The following MDGA2 variants were observed in gnomAD, a reference collection of about 807,000 sequenced individuals.
MDGA2 encodes MAM domain containing glycosylphosphatidylinositol anchor 2.
In MDGA2, 40 loss-of-function variants were observed where a neutral mutation model predicts 117.8. The ratio of observed to expected loss-of-function variants is 0.34; its 90% CI spans 0.26 to 0.44. The LOEUF is 0.44. Ranked by LOEUF, MDGA2 falls within the 20% of genes least tolerant of loss-of-function variation. MDGA2 has a pLI of 1.00. For missense variants in MDGA2, 1,123 were observed against 1,250.6 expected (o/e 0.90, Z 1.54); for synonymous variants, 452 against 439.0 (o/e 1.03, Z -0.37).
At chr14:47,610,715 T>C (rs1896831820) in intron 1 of MDGA2, among the ~76,000 whole-genome samples, 1 of 152,036 alleles carries the variant, frequency 6.6e-6, no homozygotes. Context: ...CATCCCATGC[T>C]CATGGATGGG....
intron 1 of MDGA2, among the ~76,000 whole-genome samples, chr14:47,526,707 A>T (rs1339334033): frequency 3.3e-5 from 5 of 151,964 alleles, no homozygotes; most frequent in African/African-American, 1.2e-4. Flanking sequence ...GTTCTCTGAG[A>T]TTTCTTCTTC....
intron 1 of MDGA2, among the ~76,000 whole-genome samples, chr14:47,573,769 T>C (rs1896063742): frequency 6.6e-6 from 1 of 152,160 alleles, no homozygotes; most frequent in African/African-American, 2.4e-5. Context: ...GAAGAGCTGA[T>C]TGGAAGAAAT....
intron 1 of MDGA2, among the ~76,000 whole-genome samples, chr14:47,370,472 T>C (rs1035018250): frequency 2.1e-5 from 1 of 47,326 alleles, no homozygotes; most frequent in East Asian, 4.5e-4. Context: ...CTTACTGTTT[T>C]TTTTTTTTTT....
intron 1 of MDGA2, among the ~76,000 whole-genome samples, chr14:47,377,169 G>T (rs961788385): frequency 6.6e-6 from 1 of 152,184 alleles, no homozygotes; most frequent in South Asian, 2.1e-4. Flanking sequence ...GAAATTTAGG[G>T]TATAATCCAT....
intron 9 of MDGA2, among the ~76,000 whole-genome samples, chr14:46,945,998 G>C (rs982189996): frequency 7.9e-5 from 12 of 152,132 alleles, no homozygotes; most frequent in Non-Finnish European, 1.6e-4. Context: ...TAAGTAGATA[G>C]TGTTGCTTAA....
intron 3 of MDGA2, among the ~76,000 whole-genome samples, chr14:47,195,548 G>C (rs1236716773): frequency 6.6e-6 from 1 of 151,898 alleles, no homozygotes; most frequent in Non-Finnish European, 1.5e-5. Context: ...TCATATTAAG[G>C]TTTCTTTTGA....
At chr14:47,137,547 T>C (rs1882516998) in intron 4 of MDGA2, among the ~76,000 whole-genome samples, 1 of 152,120 alleles carries the variant, frequency 6.6e-6, no homozygotes, top group Non-Finnish European at 1.5e-5. Context: ...ATGTGATCTC[T>C]GCACATACCA....
intron 4 of MDGA2, among the ~76,000 whole-genome samples, chr14:47,137,509 C>G (rs1047708989): frequency 2.6e-5 from 4 of 151,992 alleles, no homozygotes; most frequent in South Asian, 4.2e-4. Flanking sequence ...TGATACCTCC[C>G]CCTCTCTCTC....
At chr14:47,643,161 G>A (rs984105088) in intron 1 of MDGA2, among the ~76,000 whole-genome samples, 1 of 151,976 alleles carries the variant, frequency 6.6e-6, no homozygotes, top group African/African-American at 2.4e-5. Flanking sequence ...TAAAGGAAGA[G>A]CCAAATACAT....
In MDGA2 at chr14:47,335,747, T is replaced by TATATATATATATATATATATATATATAC. The variant is rs1055245438; in HGVS notation, c.281-34198_281-34197insGTATATATATATATATATATATATATAT. Among the ~76,000 whole-genome samples, 2 of 68,640 alleles carry TATATATATATATATATATATATATATAC rather than the reference T, an allele frequency of 2.9e-5. 1 individual carries two copies. Among genetic ancestry groups the TATATATATATATATATATATATATATAC allele is most frequent in the African/African-American group, 8.8e-5 (2 of 22,818 alleles). 45.0% of individuals were successfully genotyped at this position (68,640 alleles called of 152,430 possible). ...CACACATATATTTTATATATATATA[T>TATATATATATATATATATATATATATAC]ACATACATACATACAGGATCACTCT... On this transcript the variant is annotated intron_variant, in intron 1 of 16. Transcript: ENST00000399232.
chr14:47,080,372 G>C (rs1414430357), intron 6 of MDGA2, among the ~76,000 whole-genome samples: 1 of 152,100 alleles, frequency 6.6e-6, no homozygotes, highest in Non-Finnish European at 1.5e-5. Flanking sequence ...TTTTACTTCA[G>C]TGAGAAAATA....
chr14:46,939,914 C>CTT (rs1356900699), intron 9 of MDGA2, among the ~76,000 whole-genome samples: 1 of 152,148 alleles, frequency 6.6e-6, no homozygotes, highest in East Asian at 1.9e-4. Context: ...GCATGCCTTG[C>CTT]TGAAAGCATG....
chr14:47,205,085 C>G (rs181657586), intron 3 of MDGA2, among the ~76,000 whole-genome samples: 1 of 151,646 alleles, frequency 6.6e-6, no homozygotes, highest in Non-Finnish European at 1.5e-5. Flanking sequence ...ATATATAGTT[C>G]GTTTCTGTCT....
At chr14:46,968,313 C>T (rs1886116676) in intron 8 of MDGA2, among the ~76,000 whole-genome samples, 4 of 152,106 alleles carry the variant, frequency 2.6e-5, no homozygotes, top group African/African-American at 9.7e-5. Context: ...GACAGGCTTA[C>T]AGTGCAGCAG....
At chr14:46,842,972 G>A (rs2138262309) in intron 16 of MDGA2, among the ~76,000 whole-genome samples, 1 of 152,240 alleles carries the variant, frequency 6.6e-6, no homozygotes, top group South Asian at 2.1e-4. Flanking sequence ...GTAATTAAAT[G>A]ACACAAATGT....
intron 2 of MDGA2, among the ~76,000 whole-genome samples, chr14:47,284,237 A>T (rs944745635): frequency 6.6e-6 from 1 of 152,224 alleles, no homozygotes; most frequent in African/African-American, 2.4e-5. Flanking sequence ...AATTTGGAAT[A>T]GAGACATGCA....
chr14:47,320,944 A>G lies in MDGA2; in HGVS notation c.281-19394T>C, dbSNP rs551930014. Among the ~76,000 whole-genome samples the G allele has an allele frequency of 3.9e-5, 6 of 152,308 alleles. 1 individual carries two copies. The South Asian group carries it at 8.3e-4, about 21-fold the overall frequency. On this transcript the variant is annotated intron_variant, in intron 1 of 16. Transcript: ENST00000399232. ...CCAGATTAAACTGAACCAAAATCTT[A>G]TAAGAGATTATGGGTAAAGAAGACA...
chr14:47,199,060 G>C (rs1885395336), intron 3 of MDGA2, among the ~76,000 whole-genome samples: 1 of 151,960 alleles, frequency 6.6e-6, no homozygotes, highest in African/African-American at 2.4e-5. Context: ...GTGAAGTTAG[G>C]ATTCAAGACT....
At chr14:47,308,314 A>G (rs910064521) in intron 1 of MDGA2, among the ~76,000 whole-genome samples, 5 of 152,184 alleles carry the variant, frequency 3.3e-5, no homozygotes, top group Non-Finnish European at 7.3e-5. Context: ...TTGTACCAGC[A>G]TTTTAGGACT....
Sources: allele counts gnomAD v4.1 joint callset (sites outside exome capture counted in the v4.1 genomes callset), GRCh38; gene constraint gnomAD v4.1.1; transcripts MANE v1.5; gene names NCBI Gene and HGNC (gene_info 2026-07-23, HGNC 2026-07-21).